CACNA2D3: variants seen among roughly 807,000 people sequenced by gnomAD.
The protein encoded by CACNA2D3 is voltage-dependent calcium channel subunit alpha-2/delta-3.
Under a neutral mutation model 160.6 loss-of-function variants are expected in CACNA2D3, and 60 were observed. The observed-to-expected ratio is 0.37, with a 90% CI of 0.30 to 0.46. The LOEUF is 0.46. CACNA2D3 is among the 20% of genes least tolerant of loss of function. The probability of loss-of-function intolerance (pLI) is 1.00; values close to 1 mark genes in which losing one functional copy is unlikely to be tolerated. For missense variants in CACNA2D3, 1,205 were observed against 1,365.0 expected (o/e 0.88, Z 1.85); for synonymous variants, 558 against 492.9 (o/e 1.13, Z -1.75).
At chr3:54,796,523 C>G (rs943204655) in intron 13 of CACNA2D3, among the ~76,000 whole-genome samples, 3 of 152,134 alleles carry the variant, frequency 2.0e-5, no homozygotes, top group Non-Finnish European at 4.4e-5. Flanking sequence ...TATATATTTA[C>G]CAATGGGCCA....
At chr3:54,713,758 G>C (rs781452770) in intron 11 of CACNA2D3, among the ~76,000 whole-genome samples, 1 of 152,172 alleles carries the variant, frequency 6.6e-6, no homozygotes, top group Non-Finnish European at 1.5e-5. Flanking sequence ...AATTAAAGTT[G>C]AGAGAGCCAC....
chr3:55,005,191 G>A (rs192606393), intron 32 of CACNA2D3, among the ~76,000 whole-genome samples: 14 of 152,104 alleles, frequency 9.2e-5, no homozygotes, highest in African/African-American at 2.4e-4. Context: ...CGGGAGAACC[G>A]CTTGAACCTT....
chr3:55,065,719 G>A (rs1299413962), intron 35 of CACNA2D3, among the ~76,000 whole-genome samples: 2 of 150,666 alleles, frequency 1.3e-5, no homozygotes, highest in Non-Finnish European at 2.9e-5. Context: ...GAGGTGGGGG[G>A]AAGGGAAGGA....
rs115403578 is a variant in CACNA2D3, at chr3:54,711,577, A to C, written c.1168-41022A>C. Among the ~76,000 whole-genome samples, 202 of 152,332 alleles carry C rather than the reference A, an allele frequency of 1.3e-3. 1 individual carries two copies. The highest frequency in any genetic ancestry group is 4.7e-3 in the African/African-American group (196 of 41,584). ...AGATCCCATTGGCCAGAAATGGGTC[A>C]CATGTTTATGCCAGAACCAATCATT... On this transcript the variant is annotated intron_variant, in intron 11 of 37. Transcript: ENST00000474759.
At chr3:54,573,856 A>G (rs1337039819) in intron 8 of CACNA2D3, among the ~76,000 whole-genome samples, 1 of 152,134 alleles carries the variant, frequency 6.6e-6, no homozygotes, top group Non-Finnish European at 1.5e-5. Flanking sequence ...GCCTCGTTGA[A>G]TTCTTATTCT....
chr3:54,980,989 A>G (rs1187133718), intron 29 of CACNA2D3, among the ~76,000 whole-genome samples: 1 of 152,226 alleles, frequency 6.6e-6, no homozygotes, highest in African/African-American at 2.4e-5. Context: ...TTTTAAGCCA[A>G]TGAATCAAAG....
chr3:54,554,868 C>CTTTTTTTTTTT, intron 5 of CACNA2D3, among the ~76,000 whole-genome samples: 1 of 88,188 alleles, frequency 1.1e-5, no homozygotes, highest in African/African-American at 5.0e-5. Context: ...CTCTCTCACT[C>CTTTTTTTTTTT]TCTTTTTTTT....
chr3:54,352,458 G>C (rs1317409094), intron 3 of CACNA2D3, among the ~76,000 whole-genome samples: 1 of 152,206 alleles, frequency 6.6e-6, no homozygotes, highest in African/African-American at 2.4e-5. Context: ...AGTTTGTTCT[G>C]TGCCGTTCAC....
At chr3:54,448,661 TTGTCTCCACCTC>T (rs1178179448) in intron 4 of CACNA2D3, among the ~76,000 whole-genome samples, 3 of 152,214 alleles carry the variant, frequency 2.0e-5, no homozygotes, top group Non-Finnish European at 4.4e-5. Context: ...TAGTGTCCTA[TTGTCTCCACCTC>T]TGTGGGCACC....
At chr3:54,294,570 A>T (rs1017938923) in intron 2 of CACNA2D3, among the ~76,000 whole-genome samples, 9 of 152,138 alleles carry the variant, frequency 5.9e-5, no homozygotes, top group African/African-American at 2.2e-4. Context: ...TGGTGTGGGG[A>T]GTGTGTGGAC....
chr3:54,687,708 G>T (rs991465357), intron 11 of CACNA2D3, among the ~76,000 whole-genome samples: 1 of 152,188 alleles, frequency 6.6e-6, no homozygotes, highest in East Asian at 1.9e-4. Context: ...ATCATGGAAA[G>T]AATCATTTTG....
intron 11 of CACNA2D3, among the ~76,000 whole-genome samples, chr3:54,654,533 C>T (rs573413017): frequency 2.6e-5 from 4 of 152,178 alleles, no homozygotes; most frequent in African/African-American, 4.8e-5. Context: ...CAACAGCCAC[C>T]ACCTCAATAG....
intron 13 of CACNA2D3, among the ~76,000 whole-genome samples, chr3:54,783,460 G>T (rs1037209446): frequency 6.6e-6 from 1 of 151,996 alleles, no homozygotes; most frequent in Non-Finnish European, 1.5e-5. Context: ...ACAAAAATTA[G>T]CCGGGCATGG....
In CACNA2D3 at chr3:54,855,064, T is replaced by G. The variant is rs543728130; in HGVS notation, c.1626+8597T>G. The stretch of plus-strand genomic sequence containing the variant: ...TATTTGACAAAATGCCAGGTTGGGC[T>G]GCAGAGCCTCTGTCAGCCTCTCCAG... On this transcript the variant is annotated intron_variant, in intron 17 of 37. Coordinates refer to ENST00000474759, the MANE Select transcript of CACNA2D3 (RefSeq NM_018398.3). Among the ~76,000 whole-genome samples the G allele has an allele frequency of 1.3e-3, 201 of 152,304 alleles. 1 individual carries two copies. The highest frequency in any genetic ancestry group is 4.5e-3 in the African/African-American group (187 of 41,580).
At chr3:54,252,892 G>C (rs1424607759) in intron 2 of CACNA2D3, among the ~76,000 whole-genome samples, 1 of 150,350 alleles carries the variant, frequency 6.7e-6, no homozygotes, top group African/African-American at 2.5e-5. Context: ...GAAACACATA[G>C]TCCATCTTTG....
intron 11 of CACNA2D3, among the ~76,000 whole-genome samples, chr3:54,732,581 G>A (rs1002883757): frequency 2.0e-5 from 3 of 152,186 alleles, no homozygotes; most frequent in Non-Finnish European, 4.4e-5. Flanking sequence ...TATTAATTTT[G>A]TGTTAATGAG....
chr3:54,879,579 A>AG (rs1025396907), intron 20 of CACNA2D3, among the ~76,000 whole-genome samples, 168 bp downstream of exon 20: 4 of 152,216 alleles, frequency 2.6e-5, no homozygotes, highest in East Asian at 3.9e-4. Flanking sequence ...GTTTTCCAGA[A>AG]GGGGGGGAGA....
intron 11 of CACNA2D3, among the ~76,000 whole-genome samples, chr3:54,715,595 T>G (rs2106972826): frequency 6.6e-6 from 1 of 152,118 alleles, no homozygotes. Flanking sequence ...CCAGCCTCCA[T>G]CCTGAGGCTA....
chr3:54,718,588 A>C (rs2106981558), intron 11 of CACNA2D3, among the ~76,000 whole-genome samples: 1 of 152,060 alleles, frequency 6.6e-6, no homozygotes. Context: ...GTTTTATGTA[A>C]GTCCTAATAT....
Sources: allele counts gnomAD v4.1 joint callset (sites outside exome capture counted in the v4.1 genomes callset), GRCh38; gene constraint gnomAD v4.1.1; transcripts MANE v1.5; gene names NCBI Gene and HGNC (gene_info 2026-07-23, HGNC 2026-07-21).